The following ADCY8 variants were observed in gnomAD, a reference collection of about 807,000 sequenced individuals.
The protein encoded by ADCY8 is adenylate cyclase type 8.
Under a neutral mutation model 119.7 loss-of-function variants are expected in ADCY8, and 51 were observed. The ratio of observed to expected loss-of-function variants is 0.43; its 90% CI spans 0.34 to 0.54. The LOEUF (loss-of-function observed/expected upper bound fraction) is 0.54. ADCY8 is among the 20% of genes least tolerant of loss of function. The probability of loss-of-function intolerance (pLI) is 0.03; values close to 1 mark genes in which losing one functional copy is unlikely to be tolerated. For missense variants in ADCY8, 1,383 were observed against 1,598.8 expected (o/e 0.87, Z 2.30); for synonymous variants, 665 against 651.0 (o/e 1.02, Z -0.33).
intron 1 of ADCY8, among the ~76,000 whole-genome samples, chr8:131,015,753 C>A (rs1423023413): frequency 6.6e-6 from 1 of 152,050 alleles, no homozygotes; most frequent in Admixed American, 6.6e-5. Context: ...ATTATATCCA[C>A]GTCTAGGTGT....
intron 2 of ADCY8, among the ~76,000 whole-genome samples, chr8:130,965,636 T>A (rs1355619787): frequency 6.6e-6 from 1 of 152,186 alleles, no homozygotes; most frequent in Non-Finnish European, 1.5e-5. Context: ...TGTATGCCCA[T>A]GAACCCACAT....
chr8:130,807,432 T>C (rs1816001691), intron 14 of ADCY8, among the ~76,000 whole-genome samples: 1 of 152,154 alleles, frequency 6.6e-6, no homozygotes. Context: ...AGTGGGATAG[T>C]ATTAAGAGGT....
At chr8:130,864,265 C>A (rs575301028) in intron 9 of ADCY8, among the ~76,000 whole-genome samples, 2 of 152,116 alleles carry the variant, frequency 1.3e-5, no homozygotes, top group African/African-American at 4.8e-5. Flanking sequence ...CTTTGTCTTG[C>A]ATTTTCTGCA....
At chr8:131,005,501 A>T (rs1365910924) in intron 1 of ADCY8, among the ~76,000 whole-genome samples, 1 of 152,176 alleles carries the variant, frequency 6.6e-6, no homozygotes, top group Non-Finnish European at 1.5e-5. Flanking sequence ...AACTGGACCA[A>T]CTTTGCTGGC....
intron 12 of ADCY8, among the ~76,000 whole-genome samples, chr8:130,829,264 G>T (rs1484674311): frequency 6.6e-6 from 1 of 152,192 alleles, no homozygotes; most frequent in Non-Finnish European, 1.5e-5. Flanking sequence ...TTTAGAGAGG[G>T]TCAAAATCTT....
intron 1 of ADCY8, among the ~76,000 whole-genome samples, chr8:131,003,894 G>A (rs1002157706): frequency 6.6e-6 from 1 of 152,080 alleles, no homozygotes; most frequent in Non-Finnish European, 1.5e-5. Flanking sequence ...GAGGAGAAGA[G>A]GAAGAGGAGG....
chr8:130,944,944 T>G (rs78673752), intron 3 of ADCY8, among the ~76,000 whole-genome samples: 1 of 152,100 alleles, frequency 6.6e-6, no homozygotes, highest in Non-Finnish European at 1.5e-5. Context: ...TGATGATCAC[T>G]GTGATTGAAG....
intron 1 of ADCY8, among the ~76,000 whole-genome samples, chr8:131,024,693 C>A (rs572656845): frequency 6.6e-6 from 1 of 152,106 alleles, no homozygotes; most frequent in South Asian, 2.1e-4. Flanking sequence ...CTAGTCCGTT[C>A]GAAACAAATT....
intron 2 of ADCY8, among the ~76,000 whole-genome samples, chr8:130,952,339 A>C (rs1460597484): frequency 6.6e-6 from 1 of 152,202 alleles, no homozygotes; most frequent in Non-Finnish European, 1.5e-5. Context: ...ATGATGAGAG[A>C]GTACAATGGT....
chr8:131,003,867 A>T (rs563955408), intron 1 of ADCY8, among the ~76,000 whole-genome samples: 3 of 151,926 alleles, frequency 2.0e-5, no homozygotes, highest in Non-Finnish European at 4.4e-5. Flanking sequence ...GTGTGGGAGA[A>T]GAAGGAGGAG....
At chr8:131,007,880 C>T (rs1823173241) in intron 1 of ADCY8, among the ~76,000 whole-genome samples, 2 of 149,318 alleles carry the variant, frequency 1.3e-5, no homozygotes, top group Admixed American at 6.6e-5. Flanking sequence ...GGAATGAGTG[C>T]TAGGACAGAG....
intron 14 of ADCY8, among the ~76,000 whole-genome samples, chr8:130,810,235 G>A (rs1816117937): frequency 1.3e-5 from 2 of 152,026 alleles, no homozygotes; most frequent in Non-Finnish European, 2.9e-5. Context: ...AAATGCCTTT[G>A]CCTCTTACGG....
Position 130,839,641 on chromosome 8 carries a change from C to T in ADCY8, c.2503-3192G>A. Among the ~76,000 whole-genome samples the T allele has an allele frequency of 1.4e-5, 2 of 140,080 alleles. 1 individual carries two copies. The highest frequency in any genetic ancestry group is 4.4e-4 in the East Asian group (2 of 4,524). 91.9% of individuals were successfully genotyped at this position (140,080 alleles called of 152,430 possible). ...CTGTAACTTGGGAAGAAACTGGGCT[C>T]AATGCAATTACTTAGTTTCTGTCAA... On this transcript the variant is annotated intron_variant, in intron 11 of 17. Coordinates refer to ENST00000286355, the MANE Select transcript of ADCY8 (RefSeq NM_001115.3).
At chr8:130,866,708 T>A (rs1438085024) in intron 9 of ADCY8, among the ~76,000 whole-genome samples, 1 of 152,196 alleles carries the variant, frequency 6.6e-6, no homozygotes, top group East Asian at 1.9e-4. Flanking sequence ...GTCTAGTAAC[T>A]AAAAGCACAG....
chr8:130,934,763 G>A (rs541961547), intron 5 of ADCY8, among the ~76,000 whole-genome samples: 2 of 152,222 alleles, frequency 1.3e-5, no homozygotes, highest in Admixed American at 6.5e-5. Context: ...GAGTACTTCC[G>A]CATCTCTACA....
intron 7 of ADCY8, chr8:130,892,333 T>C (rs531538715): frequency 3.3e-5 from 5 of 150,594 alleles, no homozygotes; most frequent in Non-Finnish European, 6.0e-5. Context: ...GACTATTGTC[T>C]GGATGCTAAC....
intron 2 of ADCY8, among the ~76,000 whole-genome samples, chr8:130,961,929 C>T (rs1047994509): frequency 5.3e-5 from 8 of 152,162 alleles, no homozygotes; most frequent in East Asian, 1.9e-4. Flanking sequence ...GAGCTATGAT[C>T]ATGCCACCGT....
chr8:130,803,792 C>T (rs1384858871), intron 14 of ADCY8, among the ~76,000 whole-genome samples: 1 of 152,146 alleles, frequency 6.6e-6, no homozygotes, highest in Non-Finnish European at 1.5e-5. Context: ...TGTGCCTCCT[C>T]CACATGCATG....
At chr8:130,836,098 C>A (rs976761767) in intron 12 of ADCY8, among the ~76,000 whole-genome samples, 179 bp downstream of exon 12, 1 of 152,142 alleles carries the variant, frequency 6.6e-6, no homozygotes, top group African/African-American at 2.4e-5. Flanking sequence ...ATAAATGATA[C>A]CACTGAAAAG....
Sources: allele counts gnomAD v4.1 joint callset (sites outside exome capture counted in the v4.1 genomes callset), GRCh38; gene constraint gnomAD v4.1.1; transcripts MANE v1.5; gene names NCBI Gene and HGNC (gene_info 2026-07-23, HGNC 2026-07-21).